The following METTL15 variants were observed in gnomAD, a reference collection of about 807,000 sequenced individuals.
METTL15 encodes methyltransferase 15, mitochondrial 12S rRNA N4-cytidine.
Under a neutral mutation model 38.3 loss-of-function variants are expected in METTL15, and 34 were observed. The ratio of observed to expected loss-of-function variants is 0.89; its 90% CI spans 0.68 to 1.18. The LOEUF (loss-of-function observed/expected upper bound fraction) is 1.18. Among genes scored for constraint, METTL15 ranks in the 50% most tolerant of loss-of-function variants. The pLI, the probability that METTL15 is intolerant of heterozygous loss-of-function variation, is 0.00. For missense variants in METTL15, 438 were observed against 498.4 expected (o/e 0.88, Z 1.15); for synonymous variants, 162 against 170.9 (o/e 0.95, Z 0.41).
At chr11:28,416,541 A>G (rs1850773915) in intron 5 of METTL15, among the ~76,000 whole-genome samples, 1 of 152,196 alleles carries the variant, frequency 6.6e-6, no homozygotes, top group African/African-American at 2.4e-5. Flanking sequence ...TTGGGTCCAG[A>G]ACAGGAGCCT....
In METTL15 at chr11:28,165,863, C is replaced by T. The variant is rs74382452; in HGVS notation, c.271-45199C>T. On this transcript the variant is annotated intron_variant, in intron 3 of 6. Transcript: ENST00000407364. ...CAGATAAAGATCCACTTTTATTCTT[C>T]TGTATGAAGATATCCAGTTTTTCCA... is the stretch of plus-strand genomic sequence containing the variant. Among the ~76,000 whole-genome samples the T allele has an allele frequency of 2.9e-4, 44 of 152,150 alleles. No individual in the cohort carries two copies. The East Asian group carries it at 8.5e-3, about 29-fold the overall frequency.
chr11:28,419,887 A>T (rs1462462843), intron 5 of METTL15, among the ~76,000 whole-genome samples: 1 of 152,222 alleles, frequency 6.6e-6, no homozygotes, highest in Admixed American at 6.5e-5. Context: ...TGAAGAATGT[A>T]TCAAAGTCTC....
chr11:28,222,923 T>C (rs1853307574), intron 4 of METTL15, among the ~76,000 whole-genome samples: 1 of 152,138 alleles, frequency 6.6e-6, no homozygotes, highest in Non-Finnish European at 1.5e-5. Flanking sequence ...GGGTGATTCA[T>C]AGAAGATTAA....
intron 3 of METTL15, among the ~76,000 whole-genome samples, chr11:28,171,298 C>T (rs1371317754): frequency 6.6e-6 from 1 of 152,122 alleles, no homozygotes; most frequent in African/African-American, 2.4e-5. Flanking sequence ...TCAGTCTTAA[C>T]TCTTTGTGAC....
chr11:28,521,390 T>G (rs1287622900), intron 6 of METTL15, among the ~76,000 whole-genome samples: 2 of 152,226 alleles, frequency 1.3e-5, no homozygotes, highest in Non-Finnish European at 2.9e-5. Context: ...AAGAGCACTA[T>G]ACCATCTGCA....
intron 6 of METTL15, among the ~76,000 whole-genome samples, chr11:28,317,086 A>C (rs570302036): frequency 2.0e-5 from 3 of 152,228 alleles, no homozygotes; most frequent in Non-Finnish European, 4.4e-5. Flanking sequence ...TCAGCAGTTA[A>C]TGTTCCTCAT....
chr11:28,523,038 A>G (rs761970270), intron 6 of METTL15, among the ~76,000 whole-genome samples: 1 of 152,212 alleles, frequency 6.6e-6, no homozygotes, highest in Non-Finnish European at 1.5e-5. Context: ...TCTTGCCTTT[A>G]TGGAGTATAC....
intron 4 of METTL15, among the ~76,000 whole-genome samples, chr11:28,254,705 C>G (rs1854900473): frequency 1.3e-5 from 2 of 152,078 alleles, no homozygotes; most frequent in Admixed American, 1.3e-4. Flanking sequence ...AATGGATATA[C>G]AGTTTTCTAG....
chr11:28,115,707 C>T (rs1272851151), intron 3 of METTL15, among the ~76,000 whole-genome samples: 1 of 152,048 alleles, frequency 6.6e-6, no homozygotes, highest in African/African-American at 2.4e-5. Flanking sequence ...AGTCTTCATC[C>T]TTGTCTTCTT....
At chr11:28,135,470 T>C (rs565934179) in intron 3 of METTL15, among the ~76,000 whole-genome samples, 2 of 152,320 alleles carry the variant, frequency 1.3e-5, no homozygotes, top group Admixed American at 1.3e-4. Flanking sequence ...TGATATTCTT[T>C]ACTCACCACA....
intron 6 of METTL15, among the ~76,000 whole-genome samples, chr11:28,298,975 A>C (rs1013060000): frequency 6.6e-6 from 1 of 152,146 alleles, no homozygotes; most frequent in African/African-American, 2.4e-5. Flanking sequence ...TGTGTTTACA[A>C]AGTTTATAGA....
At chr11:28,491,699 C>T (rs1259445158) in intron 6 of METTL15, among the ~76,000 whole-genome samples, 1 of 152,084 alleles carries the variant, frequency 6.6e-6, no homozygotes, top group Non-Finnish European at 1.5e-5. Flanking sequence ...AGAAAACCTC[C>T]TCTGGAAAGA....
At chr11:28,182,679 T>A (rs1851336000) in intron 3 of METTL15, among the ~76,000 whole-genome samples, 1 of 152,158 alleles carries the variant, frequency 6.6e-6, no homozygotes. Flanking sequence ...TAGTTTGAAG[T>A]CAGGTGGGGT....
At chr11:28,247,669 C>T (rs967574341) in intron 4 of METTL15, among the ~76,000 whole-genome samples, 13 of 152,084 alleles carry the variant, frequency 8.5e-5, no homozygotes, top group African/African-American at 3.1e-4. Flanking sequence ...GTACCATTTA[C>T]AAATACGGAA....
intron 3 of METTL15, among the ~76,000 whole-genome samples, chr11:28,156,733 G>A (rs1270231040): frequency 6.6e-6 from 1 of 151,998 alleles, no homozygotes; most frequent in Non-Finnish European, 1.5e-5. Flanking sequence ...AGACAAATTT[G>A]TTTCATTTCT....
intron 5 of METTL15, among the ~76,000 whole-genome samples, chr11:28,295,141 C>G (rs940874986): frequency 6.6e-6 from 1 of 152,090 alleles, no homozygotes; most frequent in Admixed American, 6.6e-5. Flanking sequence ...TGGGGAAGAT[C>G]TAAAGGACAG....
At chr11:28,387,116 T>G (rs11030314) in intron 5 of METTL15, among the ~76,000 whole-genome samples, 272 of 151,996 alleles carry the variant, frequency 1.8e-3, no homozygotes, top group Non-Finnish European at 3.2e-3. Context: ...AGAAGGATCT[T>G]AAATCAACAA....
At chr11:28,484,694 G>A (rs1851423807) in intron 6 of METTL15, among the ~76,000 whole-genome samples, 1 of 151,950 alleles carries the variant, frequency 6.6e-6, no homozygotes, top group South Asian at 2.1e-4. Flanking sequence ...CAACCTTTAT[G>A]CTGGCTCCTA....
intron 6 of METTL15, among the ~76,000 whole-genome samples, chr11:28,448,789 C>T (rs1488000912): frequency 6.6e-6 from 1 of 152,112 alleles, no homozygotes; most frequent in Admixed American, 6.5e-5. Flanking sequence ...TCCCCCACCC[C>T]ACCACCACCA....
Sources: gnomAD v4.1 joint callset for allele counts (sites outside exome capture counted in the v4.1 genomes callset) on GRCh38, gnomAD v4.1.1 for gene constraint, MANE v1.5 for transcripts, NCBI Gene and HGNC (gene_info 2026-07-23, HGNC 2026-07-21) for gene names.